The following KIAA0825 variants were observed in gnomAD, a reference collection of about 807,000 sequenced individuals.
KIAA0825 encodes KIAA0825.
Under a neutral mutation model 147.6 loss-of-function variants are expected in KIAA0825, and 119 were observed. The ratio of observed to expected loss-of-function variants is 0.81; its 90% CI spans 0.69 to 0.94. The LOEUF is 0.94. Among genes scored for constraint, KIAA0825 ranks in the 40% least tolerant of loss-of-function variants. The probability of loss-of-function intolerance (pLI) is 0.00; values close to 1 mark genes in which losing one functional copy is unlikely to be tolerated. For missense variants in KIAA0825, 1,381 were observed against 1,472.7 expected (o/e 0.94, Z 1.02); for synonymous variants, 470 against 518.1 (o/e 0.91, Z 1.26).
intron 5 of KIAA0825, among the ~76,000 whole-genome samples, chr5:94,490,184 C>G (rs959847533): frequency 3.9e-5 from 6 of 152,094 alleles, no homozygotes; most frequent in African/African-American, 1.4e-4. Flanking sequence ...CTATATCCAG[C>G]TTATTTGCCA....
intron 20 of KIAA0825, among the ~76,000 whole-genome samples, chr5:94,286,403 C>T (rs185165209): frequency 2.0e-5 from 3 of 152,144 alleles, no homozygotes; most frequent in Admixed American, 2.0e-4. Flanking sequence ...CCCTGACTGA[C>T]TAAGATTTCT....
intron 2 of KIAA0825, among the ~76,000 whole-genome samples, chr5:94,549,989 A>G (rs1775210988): frequency 6.6e-6 from 1 of 152,168 alleles, no homozygotes; most frequent in Non-Finnish European, 1.5e-5. Flanking sequence ...TGGCTTTTTG[A>G]AAAGATAAAA....
intron 20 of KIAA0825, among the ~76,000 whole-genome samples, chr5:94,198,667 A>C (rs1431529656): frequency 6.6e-6 from 1 of 152,120 alleles, no homozygotes; most frequent in Non-Finnish European, 1.5e-5. Flanking sequence ...TAAAACCTAG[A>C]TGATGGGTTG....
chr5:94,155,431 G>C (rs1231388508), intron 20 of KIAA0825, among the ~76,000 whole-genome samples: 1 of 151,324 alleles, frequency 6.6e-6, no homozygotes, highest in African/African-American at 2.4e-5. Context: ...TGTTGCCCAG[G>C]CTCATCTTGA....
intron 5 of KIAA0825, among the ~76,000 whole-genome samples, chr5:94,493,856 G>C (rs149550190): frequency 7.2e-4 from 109 of 152,154 alleles, no homozygotes; most frequent in African/African-American, 2.6e-3. Flanking sequence ...CCCATTGATA[G>C]GAGTAGTAAT....
chr5:94,364,105 A>G (rs1201334245), intron 20 of KIAA0825, among the ~76,000 whole-genome samples: 1 of 151,934 alleles, frequency 6.6e-6, no homozygotes, highest in African/African-American at 2.4e-5. Context: ...ATTTAGGGAG[A>G]CAGATACCAA....
chr5:94,171,706 T>C lies in KIAA0825; in HGVS notation c.3711-17582A>G, dbSNP rs368706159. On this transcript the variant is annotated intron_variant, in intron 20 of 20. Transcript: ENST00000682413. ...ACTAATTATGGAGGTATTTAATTAA[T>C]ACCTCCATAATTAAGATTGTTTAAT... Among the ~76,000 whole-genome samples the C allele has an allele frequency of 7.2e-5, 11 of 152,274 alleles. No homozygotes were observed. In the East Asian group the frequency reaches 2.1e-3, roughly 29 times the overall value.
At chr5:94,353,754 T>C (rs1214558019) in intron 20 of KIAA0825, among the ~76,000 whole-genome samples, 2 of 152,146 alleles carry the variant, frequency 1.3e-5, no homozygotes, top group Non-Finnish European at 2.9e-5. Context: ...AGGAGAATAG[T>C]TGCTAAAAGT....
rs10053867 is a variant in KIAA0825 at position 94,291,760 on chromosome 5, C to T, written c.3710+92608G>A. 9.6e-3 allele frequency among the ~76,000 whole-genome samples: 1,454 copies of T among 152,166 alleles called. 31 individuals are homozygous for T. The highest frequency in any genetic ancestry group is 0.034 in the African/African-American group (1,396 of 41,512). Reference sequence around the variant, plus strand: ...TATCCATGAGCATGGAATGTTTTTCCATTTGTTTGTATCCTCTATTATTTC... The same window carrying T: ...TATCCATGAGCATGGAATGTTTTTCTATTTGTTTGTATCCTCTATTATTTC... On this transcript the variant is annotated intron_variant, in intron 20 of 20. Coordinates refer to ENST00000682413, the MANE Select transcript of KIAA0825 (RefSeq NM_001145678.3).
At chr5:94,515,548 T>C (rs571503745) in intron 5 of KIAA0825, among the ~76,000 whole-genome samples, 7 of 152,020 alleles carry the variant, frequency 4.6e-5, no homozygotes, top group Non-Finnish European at 7.4e-5. Context: ...TCCCAGCACT[T>C]TGGGAGGCCA....
At chr5:94,430,497 T>C (rs992896049) in intron 14 of KIAA0825, among the ~76,000 whole-genome samples, 1 of 152,200 alleles carries the variant, frequency 6.6e-6, no homozygotes, top group African/African-American at 2.4e-5. Flanking sequence ...AAGGACCACT[T>C]AAAACATCAA....
chr5:94,192,214 T>G (rs1478324203), intron 20 of KIAA0825, among the ~76,000 whole-genome samples: 1 of 152,238 alleles, frequency 6.6e-6, no homozygotes. Flanking sequence ...CCAAAACTAA[T>G]TAACCCTATG....
chr5:94,339,680 T>C (rs928272541), intron 20 of KIAA0825, among the ~76,000 whole-genome samples: 2 of 152,184 alleles, frequency 1.3e-5, no homozygotes, highest in Non-Finnish European at 2.9e-5. Context: ...TAATTGCATT[T>C]TTCATGTAGA....
chr5:94,507,613 G>T (rs1765910064), intron 5 of KIAA0825, among the ~76,000 whole-genome samples: 1 of 151,756 alleles, frequency 6.6e-6, no homozygotes, highest in African/African-American at 2.4e-5. Flanking sequence ...TTGACTCAGT[G>T]ACCCAGTCAA....
chr5:94,356,204 T>A (rs1323186334), intron 20 of KIAA0825, among the ~76,000 whole-genome samples: 2 of 152,192 alleles, frequency 1.3e-5, no homozygotes, highest in Non-Finnish European at 2.9e-5. Flanking sequence ...TTAGAAAATA[T>A]ATAAATCATT....
chr5:94,242,643 TC>T (rs924737870), intron 20 of KIAA0825, among the ~76,000 whole-genome samples: 2 of 152,000 alleles, frequency 1.3e-5, no homozygotes, highest in African/African-American at 4.8e-5. Flanking sequence ...TTTTGCTTTT[TC>T]CTTTTTCTTC....
At chr5:94,414,244 G>A (rs1753133139) in intron 15 of KIAA0825, 2 of 152,222 alleles carry the variant, frequency 1.3e-5, no homozygotes, top group Admixed American at 1.3e-4. Flanking sequence ...AATACTTTTT[G>A]AGTATATTAC....
intron 20 of KIAA0825, among the ~76,000 whole-genome samples, chr5:94,216,090 TAAA>T (rs1244152789): frequency 6.6e-6 from 1 of 152,072 alleles, no homozygotes; most frequent in African/African-American, 2.4e-5. Flanking sequence ...ACTCATCCCA[TAAA>T]AAAGAGGCTC....
chr5:94,277,728 C>T (rs1318115043), intron 20 of KIAA0825, among the ~76,000 whole-genome samples: 1 of 152,040 alleles, frequency 6.6e-6, no homozygotes, highest in Non-Finnish European at 1.5e-5. Flanking sequence ...GATCTAGAAC[C>T]AGAAATACCA....
Sources: gnomAD v4.1 joint callset for allele counts (sites outside exome capture counted in the v4.1 genomes callset) on GRCh38, gnomAD v4.1.1 for gene constraint, MANE v1.5 for transcripts, NCBI Gene and HGNC (gene_info 2026-07-23, HGNC 2026-07-21) for gene names.